DLG2: variants seen among roughly 807,000 people sequenced by gnomAD.
The protein encoded by DLG2 is discs large MAGUK scaffold protein 2, also known as disks large homolog 2.
DLG2 carries 45 observed loss-of-function variants against 132.5 expected under a neutral mutation model. That is an observed-to-expected ratio of 0.34 (90% CI 0.27 to 0.44). The LOEUF is 0.44. Among genes scored for constraint, DLG2 ranks in the 20% least tolerant of loss-of-function variants. The probability of loss-of-function intolerance (pLI) is 1.00; values close to 1 mark genes in which losing one functional copy is unlikely to be tolerated. For missense variants in DLG2, 1,045 were observed against 1,196.9 expected (o/e 0.87, Z 1.87); for synonymous variants, 424 against 419.6 (o/e 1.01, Z -0.13).
intron 8 of DLG2, among the ~76,000 whole-genome samples, chr11:84,172,331 T>C (rs555622544): frequency 8.5e-5 from 13 of 152,252 alleles, no homozygotes; most frequent in Admixed American, 6.5e-4. Context: ...ACTGATATTC[T>C]TAGTTAAGAT....
intron 7 of DLG2, among the ~76,000 whole-genome samples, chr11:84,347,753 A>C (rs1464327104): frequency 6.6e-6 from 1 of 152,194 alleles, no homozygotes; most frequent in Non-Finnish European, 1.5e-5. Context: ...AGGTTTACAG[A>C]GATGTCAGCC....
chr11:84,432,337 G>A (rs939415408), intron 7 of DLG2, among the ~76,000 whole-genome samples: 34 of 152,142 alleles, frequency 2.2e-4, no homozygotes, highest in African/African-American at 8.2e-4. Flanking sequence ...GAGGTACAAG[G>A]TATGATGACA....
intron 18 of DLG2, among the ~76,000 whole-genome samples, chr11:83,670,362 G>C (rs576479709): frequency 1.7e-4 from 25 of 144,440 alleles, no homozygotes; most frequent in Non-Finnish European, 3.1e-4. Flanking sequence ...TCAGGCCAAG[G>C]CTAGGTTCTG....
At chr11:84,881,707 A>G (rs1454363435) in intron 6 of DLG2, among the ~76,000 whole-genome samples, 2 of 152,172 alleles carry the variant, frequency 1.3e-5, no homozygotes, top group Non-Finnish European at 2.9e-5. Context: ...CATTGCCTCC[A>G]GATGTAAACC....
At chr11:83,868,723 TA>T (rs138227055) in intron 16 of DLG2, among the ~76,000 whole-genome samples, 13,701 of 150,272 alleles carry the variant, frequency 0.091, 801 homozygotes, top group Middle Eastern at 0.2. Flanking sequence ...ACTAACAGCT[TA>T]AAAAAAAAAT....
rs78605214 is a variant in DLG2 at position 84,850,122 on chromosome 11, T to C, written c.357+261539A>G. Among the ~76,000 whole-genome samples the C allele has an allele frequency of 2.2e-3, 335 of 152,228 alleles. 2 individuals carry two copies. The highest frequency in any genetic ancestry group is 7.8e-3 in the African/African-American group (322 of 41,540). On this transcript the variant is annotated intron_variant, in intron 6 of 27. Coordinates refer to ENST00000376104, the MANE Select transcript of DLG2 (RefSeq NM_001142699.3). ...GCCCCTTGGTCTTGGGCAACTAGGA[T>C]GGTTGGTCATTCTATCTGCCACACA... is the stretch of plus-strand genomic sequence containing the variant.
intron 17 of DLG2, among the ~76,000 whole-genome samples, chr11:83,816,454 C>G (rs2048949981): frequency 6.6e-6 from 1 of 152,090 alleles, no homozygotes; most frequent in Non-Finnish European, 1.5e-5. Context: ...ATTTTGCTAC[C>G]TTATGGCTAC....
chr11:83,503,420 T>TATAGATAG (rs1240156958), intron 21 of DLG2, among the ~76,000 whole-genome samples: 1,093 of 77,604 alleles, frequency 0.014, 25 homozygotes, highest in Middle Eastern at 0.027. Flanking sequence ...TATATATATA[T>TATAGATAG]ATAGATAGAT....
At chr11:84,905,406 C>G (rs964656022) in intron 6 of DLG2, among the ~76,000 whole-genome samples, 30 of 152,156 alleles carry the variant, frequency 2.0e-4, no homozygotes, top group African/African-American at 6.8e-4. Context: ...CCAATAGACT[C>G]TATGACTTAA....
chr11:83,668,683 GTATATATATGTGTATATAAACACATA>G (rs1251986717), intron 18 of DLG2, among the ~76,000 whole-genome samples: 2 of 144,460 alleles, frequency 1.4e-5, no homozygotes, highest in African/African-American at 2.6e-5. Flanking sequence ...ATATGTATGT[GTATATATATGTGTATATAAACACATA>G]TATATGTGTA....
At chr11:84,813,171 T>TAC (rs2076748527) in intron 6 of DLG2, among the ~76,000 whole-genome samples, 1 of 150,602 alleles carries the variant, frequency 6.6e-6, no homozygotes, top group South Asian at 2.1e-4. Flanking sequence ...CAAAATTAAA[T>TAC]ACATACACAC....
chr11:85,164,149 T>A (rs530476724), intron 4 of DLG2, among the ~76,000 whole-genome samples: 1 of 152,302 alleles, frequency 6.6e-6, no homozygotes, highest in East Asian at 1.9e-4. Context: ...AAAGTTGTCA[T>A]AGACTAACTC....
chr11:84,737,356 C>A lies in DLG2; in HGVS notation c.358-202625G>T, dbSNP rs181191254. Among the ~76,000 whole-genome samples the A allele has an allele frequency of 2.6e-5, 4 of 151,952 alleles. No individual in the cohort carries two copies. In the East Asian group the frequency reaches 5.8e-4, roughly 22 times the overall value. ...TGTTTTTATACCAAGGCAATATAGG[C>A]CTCATGTAGTGAGTTGGAAGGTATT... On this transcript the variant is annotated intron_variant, in intron 6 of 27. Coordinates refer to ENST00000376104, the MANE Select transcript of DLG2 (RefSeq NM_001142699.3).
At chr11:83,749,994 G>T (rs895089164) in intron 18 of DLG2, among the ~76,000 whole-genome samples, 2 of 152,162 alleles carry the variant, frequency 1.3e-5, no homozygotes, top group African/African-American at 4.8e-5. Context: ...GGATCAGGTT[G>T]TTATGAACTA....
chr11:84,626,994 C>T (rs1475370226), intron 6 of DLG2, among the ~76,000 whole-genome samples: 1 of 152,008 alleles, frequency 6.6e-6, no homozygotes, highest in African/African-American at 2.4e-5. Flanking sequence ...GCCCCAGTCT[C>T]CCTAGTAGCT....
chr11:85,224,980 G>A (rs1595520360), intron 4 of DLG2, among the ~76,000 whole-genome samples: 1 of 152,066 alleles, frequency 6.6e-6, no homozygotes, highest in South Asian at 2.1e-4. Flanking sequence ...ACTTTGATTA[G>A]AGAAGAGTGC....
At chr11:84,716,158 T>G (rs1287608686) in intron 6 of DLG2, among the ~76,000 whole-genome samples, 1 of 152,082 alleles carries the variant, frequency 6.6e-6, no homozygotes, top group Non-Finnish European at 1.5e-5. Flanking sequence ...TTCCTGATAC[T>G]TAACGATGTT....
chr11:85,373,564 G>A (rs2085157965), intron 3 of DLG2, among the ~76,000 whole-genome samples: 1 of 152,092 alleles, frequency 6.6e-6, no homozygotes, highest in Non-Finnish European at 1.5e-5. Flanking sequence ...CTGCCCATTG[G>A]GGTGGAGCCT....
intron 7 of DLG2, among the ~76,000 whole-genome samples, chr11:84,452,172 G>A (rs1177447654): frequency 6.6e-6 from 1 of 150,880 alleles, no homozygotes; most frequent in African/African-American, 2.4e-5. Context: ...AGGAGAAAAG[G>A]AAGAGGAAGA....
Sources: gnomAD v4.1 joint callset for allele counts (sites outside exome capture counted in the v4.1 genomes callset) on GRCh38, gnomAD v4.1.1 for gene constraint, MANE v1.5 for transcripts, NCBI Gene and HGNC (gene_info 2026-07-23, HGNC 2026-07-21) for gene names.